FAT1: variants seen among roughly 807,000 people sequenced by gnomAD.
FAT1 encodes FAT atypical cadherin 1.
FAT1 carries 171 observed loss-of-function variants against 329.8 expected under a neutral mutation model. The ratio of observed to expected loss-of-function variants is 0.52; its 90% confidence interval spans 0.46 to 0.59. The LOEUF is 0.59. FAT1 is among the 20% of genes least tolerant of loss of function. The pLI is 0.00. For synonymous variants in FAT1, 2,233 were observed against 2,228.6 expected (o/e 1.00, Z -0.06); for missense variants, 5,672 against 5,774.4 (o/e 0.98, Z 0.57).
chr4:186,680,162 C>G (rs915515893), intron 2 of FAT1, among the ~76,000 whole-genome samples: 2 of 152,136 alleles, frequency 1.3e-5, no homozygotes, highest in African/African-American at 2.4e-5. Flanking sequence ...CTTGATAAGC[C>G]TATTTTGAAA....
intron 3 of FAT1, among the ~76,000 whole-genome samples, chr4:186,656,743 CAT>C (rs1207760680): frequency 6.6e-6 from 1 of 152,130 alleles, no homozygotes; most frequent in Admixed American, 6.6e-5. Flanking sequence ...ACTCCAGAAA[CAT>C]AACCAGGATA....
intron 2 of FAT1, among the ~76,000 whole-genome samples, chr4:186,684,794 G>T (rs72716288): frequency 2.0e-3 from 300 of 152,052 alleles, no homozygotes; most frequent in South Asian, 7.1e-3. Flanking sequence ...AAACAAAAAC[G>T]GTCACCTCTG....
At chr4:186,631,574 C>T (rs1479574241) in intron 7 of FAT1, among the ~76,000 whole-genome samples, 1 of 151,740 alleles carries the variant, frequency 6.6e-6, no homozygotes, top group East Asian at 1.9e-4. Context: ...GATCCCTCTG[C>T]TCTTCAATCC....
chr4:186,655,835 C>A (rs1741875951), intron 3 of FAT1, among the ~76,000 whole-genome samples: 3 of 152,342 alleles, frequency 2.0e-5, no homozygotes, highest in South Asian at 2.1e-4. Context: ...GAGGAAAAAA[C>A]CAACATATTC....
chr4:186,611,986 T>C (rs901041473), intron 13 of FAT1, among the ~76,000 whole-genome samples: 2 of 151,916 alleles, frequency 1.3e-5, no homozygotes, highest in Non-Finnish European at 2.9e-5. Context: ...AATTTTTGTA[T>C]TTTTATTAGA....
intron 3 of FAT1, among the ~76,000 whole-genome samples, chr4:186,662,203 T>C (rs1178288138): frequency 6.6e-6 from 1 of 151,224 alleles, no homozygotes; most frequent in Non-Finnish European, 1.5e-5. Flanking sequence ...TAGAGAGGCA[T>C]ACATACATTC....
At chr4:186,628,789 T>A (rs768124027) in intron 7 of FAT1, 26 bp from the exon 8 acceptor site, 4 of 1,596,726 alleles carry the variant, frequency 2.5e-6, no homozygotes, top group South Asian at 1.1e-5. Flanking sequence ...AAATGACTCA[T>A]ACAATATTTC....
intron 2 of FAT1, among the ~76,000 whole-genome samples, chr4:186,667,447 G>A (rs879447908): frequency 6.6e-5 from 10 of 152,202 alleles, no homozygotes; most frequent in Admixed American, 1.3e-4. Flanking sequence ...GTGAGATGCT[G>A]GATGTTCCTA....
Position 186,694,471 on chromosome 4 carries a change from C to A in FAT1, c.3265+12092G>T, listed in dbSNP as rs1465358862. 3.9e-5 allele frequency among the ~76,000 whole-genome samples: 6 copies of A among 152,262 alleles called. No individual in the cohort carries two copies. In the South Asian group the frequency reaches 1.2e-3, roughly 32 times the overall value. ...AGTAGCAAGAAGAGTTGACAAAGAA[C>A]AAATGAGTTTTTAAAAAACTTTTAC... On this transcript the variant is annotated intron_variant, in intron 2 of 26. Transcript: ENST00000441802.
At chr4:186,613,581 T>G (rs1739566929) in intron 12 of FAT1, among the ~76,000 whole-genome samples, 1 of 152,228 alleles carries the variant, frequency 6.6e-6, no homozygotes, top group African/African-American at 2.4e-5. Context: ...GCCTCTCACC[T>G]TGTGTATAAG....
In FAT1 at chr4:186,639,704, GAT is replaced by G. The variant is rs1560958218; in HGVS notation, c.3642+16_3642+17del. ...TAACTACGAATCTTTAAGTATTAAA[GAT>G]AAAAAAAAAACTTACCTCTAATATG... On this transcript the variant is annotated intron_variant, in intron 4 of 26. Transcript: ENST00000441802. The G allele has an allele frequency of 1.9e-6, 3 of 1,550,836 alleles. No homozygotes were observed. In the Admixed American group the frequency reaches 5.4e-5, roughly 28 times the overall value.
At chr4:186,678,778 C>G (rs1039157469) in intron 2 of FAT1, among the ~76,000 whole-genome samples, 3 of 152,024 alleles carry the variant, frequency 2.0e-5, no homozygotes, top group Admixed American at 6.6e-5. Context: ...TTGGGAAAGA[C>G]AGTGTGGCGA....
At chr4:186,689,907 C>T (rs1157568731) in intron 2 of FAT1, among the ~76,000 whole-genome samples, 1 of 152,128 alleles carries the variant, frequency 6.6e-6, no homozygotes, top group African/African-American at 2.4e-5. Context: ...AAAAGACTAC[C>T]GCACTCACAA....
intron 20 of FAT1, 65 bp downstream of exon 20, chr4:186,602,838 A>G (rs907381420): frequency 6.6e-7 from 1 of 1,522,338 alleles, no homozygotes; most frequent in Non-Finnish European, 8.9e-7. Flanking sequence ...ATAAAGAAGA[A>G]AATGGTAAGA....
At chr4:186,634,579 G>A (rs189535731) in intron 6 of FAT1, among the ~76,000 whole-genome samples, 1 of 152,168 alleles carries the variant, frequency 6.6e-6, no homozygotes, top group East Asian at 1.9e-4. Context: ...CAACACGCTG[G>A]CGAGTGGGAT....
chr4:186,686,288 T>A (rs1389984953), intron 2 of FAT1, among the ~76,000 whole-genome samples: 1 of 147,748 alleles, frequency 6.8e-6, no homozygotes, highest in East Asian at 2.0e-4. Context: ...TTTCCTGCAT[T>A]CTTCCTCCAC....
intron 1 of FAT1, among the ~76,000 whole-genome samples, chr4:186,711,866 G>A (rs1304861585): frequency 2.0e-5 from 3 of 152,190 alleles, no homozygotes; most frequent in Non-Finnish European, 4.4e-5. Context: ...ATTGCAGTGA[G>A]CCGAGATCGC....
intron 2 of FAT1, among the ~76,000 whole-genome samples, chr4:186,689,169 T>C (rs919083375): frequency 6.6e-6 from 1 of 152,216 alleles, no homozygotes; most frequent in African/African-American, 2.4e-5. Flanking sequence ...CTGGTCTAAA[T>C]AAATCTTTTG....
chr4:186,598,162 T>G (rs935535855), intron 22 of FAT1, 37 bp from the exon 23 acceptor site: 1 of 1,558,752 alleles, frequency 6.4e-7, no homozygotes, highest in African/African-American at 1.4e-5. Context: ...GTCCTATCAC[T>G]CAATGACTCA....
Sources: gnomAD v4.1 joint callset for allele counts (sites outside exome capture counted in the v4.1 genomes callset) on GRCh38, gnomAD v4.1.1 for gene constraint, MANE v1.5 for transcripts, NCBI Gene and HGNC (gene_info 2026-07-23, HGNC 2026-07-21) for gene names.